The following TENM3 variants were observed in gnomAD, a reference collection of about 807,000 sequenced individuals.
The protein encoded by TENM3 is teneurin-3.
Under a neutral mutation model 255.1 loss-of-function variants are expected in TENM3, and 63 were observed. That is an observed-to-expected ratio of 0.25 (90% CI 0.20 to 0.30). The LOEUF (loss-of-function observed/expected upper bound fraction) is 0.30. Ranked by LOEUF, TENM3 falls within the 10% of genes least tolerant of loss-of-function variation. The probability of loss-of-function intolerance (pLI) is 1.00; values close to 1 mark genes in which losing one functional copy is unlikely to be tolerated. For missense variants in TENM3, 2,929 were observed against 3,461.1 expected (o/e 0.85, Z 3.86); for synonymous variants, 1,306 against 1,322.3 (o/e 0.99, Z 0.27).
intron 1 of TENM3, among the ~76,000 whole-genome samples, chr4:182,285,538 A>G (rs774726925): frequency 1.3e-5 from 2 of 152,306 alleles, no homozygotes; most frequent in African/African-American, 2.4e-5. Flanking sequence ...TTGAAGCAAC[A>G]CATGAAGACA....
chr4:182,416,223 T>C (rs1413937106), intron 3 of TENM3, among the ~76,000 whole-genome samples: 5 of 152,182 alleles, frequency 3.3e-5, no homozygotes, highest in Admixed American at 6.5e-5. Context: ...CAACAGCTGC[T>C]TAATGTGTTA....
At chr4:182,434,556 G>C (rs758856520) in intron 3 of TENM3, among the ~76,000 whole-genome samples, 2 of 151,744 alleles carry the variant, frequency 1.3e-5, no homozygotes, top group Admixed American at 6.6e-5. Context: ...TCAGCTACTC[G>C]GGAGTCTGAG....
the TENM3 span, among the ~76,000 whole-genome samples, chr4:182,080,468 T>C: frequency 1.3e-5 from 2 of 152,188 alleles, no homozygotes; most frequent in Non-Finnish European, 2.9e-5. Flanking sequence ...TTAAAAGTAG[T>C]GACCTCTAGG....
the TENM3 span, among the ~76,000 whole-genome samples, chr4:181,903,918 A>G: frequency 6.6e-6 from 1 of 152,046 alleles, no homozygotes; most frequent in Non-Finnish European, 1.5e-5. Flanking sequence ...GATGAGTTCA[A>G]TTCCATGGCT....
chr4:181,496,619 C>T, the TENM3 span, among the ~76,000 whole-genome samples: 1 of 152,166 alleles, frequency 6.6e-6, no homozygotes, highest in African/African-American at 2.4e-5. Context: ...CATAGTTTAT[C>T]TGAATTCAAC....
At chr4:182,511,633 G>A (rs747617242) in intron 3 of TENM3, among the ~76,000 whole-genome samples, 2 of 152,130 alleles carry the variant, frequency 1.3e-5, no homozygotes, top group African/African-American at 4.8e-5. Flanking sequence ...TTCATCAGTT[G>A]TGTTGCTTTT....
At chr4:182,231,620 T>G (rs1419752515) in intron 1 of TENM3, among the ~76,000 whole-genome samples, 1 of 152,180 alleles carries the variant, frequency 6.6e-6, no homozygotes, top group East Asian at 1.9e-4. Context: ...GGCAGGAATG[T>G]TCCTGCCTCT....
chr4:182,442,837 CATACAT>C (rs1772607746), intron 3 of TENM3, among the ~76,000 whole-genome samples: 1 of 77,588 alleles, frequency 1.3e-5, no homozygotes, highest in African/African-American at 4.9e-5. Flanking sequence ...TATATACATA[CATACAT>C]ATATACACAC....
chr4:181,641,657 T>TAC, the TENM3 span, among the ~76,000 whole-genome samples: 5 of 106,582 alleles, frequency 4.7e-5, no homozygotes, highest in Admixed American at 1.2e-4. Context: ...AATATATATA[T>TAC]ACCATGGAAT....
At chr4:182,557,000 C>T (rs1742648230) in intron 3 of TENM3, among the ~76,000 whole-genome samples, 1 of 152,172 alleles carries the variant, frequency 6.6e-6, no homozygotes, top group Admixed American at 6.5e-5. Flanking sequence ...TAAAATCATA[C>T]ATCTAATGTG....
At chr4:181,609,219 A>G in the TENM3 span, among the ~76,000 whole-genome samples, 2 of 152,116 alleles carry the variant, frequency 1.3e-5, no homozygotes, top group Admixed American at 1.3e-4. Context: ...TTTCTCCTAA[A>G]TTTACACTGT....
At chr4:181,522,959 T>G in the TENM3 span, 10 of 707,540 alleles carry the variant, frequency 1.4e-5, no homozygotes, top group African/African-American at 3.5e-5. Flanking sequence ...ATGAGAAGGC[T>G]GAGATAAAGG....
At chr4:182,417,722 A>G (rs1030382108) in intron 3 of TENM3, among the ~76,000 whole-genome samples, 1 of 152,208 alleles carries the variant, frequency 6.6e-6, no homozygotes, top group African/African-American at 2.4e-5. Context: ...TTATTCCTAA[A>G]TGATAGTTAC....
intron 1 of TENM3, among the ~76,000 whole-genome samples, chr4:182,309,291 T>C (rs902028989): frequency 1.3e-5 from 2 of 152,212 alleles, no homozygotes; most frequent in African/African-American, 4.8e-5. Flanking sequence ...GCCGTGTGGC[T>C]GGTTTGCTGC....
intron 2 of TENM3, among the ~76,000 whole-genome samples, chr4:182,345,994 A>G (rs1488171884): frequency 6.6e-6 from 1 of 152,134 alleles, no homozygotes; most frequent in Admixed American, 6.5e-5. Flanking sequence ...AATGTACAAA[A>G]TATGCAGCAA....
At chr4:181,950,140 T>A in the TENM3 span, among the ~76,000 whole-genome samples, 1 of 152,172 alleles carries the variant, frequency 6.6e-6, no homozygotes, top group Non-Finnish European at 1.5e-5. Context: ...GTCCTTGCCT[T>A]AAGTGATGAC....
the TENM3 span, among the ~76,000 whole-genome samples, chr4:181,988,534 A>G: frequency 6.6e-6 from 1 of 152,154 alleles, no homozygotes; most frequent in Non-Finnish European, 1.5e-5. Flanking sequence ...GATGATGATG[A>G]TGATGATAGC....
At chr4:182,205,654 C>T (rs1488285893) in intron 1 of TENM3, among the ~76,000 whole-genome samples, 1 of 152,256 alleles carries the variant, frequency 6.6e-6, no homozygotes. Context: ...TCATTGTGCC[C>T]TTGGCACATC....
chr4:182,659,245 C>T (rs942055022), intron 6 of TENM3, among the ~76,000 whole-genome samples: 1 of 152,134 alleles, frequency 6.6e-6, no homozygotes, highest in Non-Finnish European at 1.5e-5. Context: ...CCACATCCCC[C>T]CCTCCACAGT....
Sources: allele counts gnomAD v4.1 joint callset (sites outside exome capture counted in the v4.1 genomes callset), GRCh38; gene constraint gnomAD v4.1.1; transcripts MANE v1.5; gene names NCBI Gene and HGNC (gene_info 2026-07-23, HGNC 2026-07-21).